The following PITPNB variants were observed in gnomAD, a reference collection of about 807,000 sequenced individuals.
PITPNB encodes phosphatidylinositol transfer protein beta.
In PITPNB, 16 loss-of-function variants were observed where a neutral mutation model predicts 45.9. The observed-to-expected ratio is 0.35, with a 90% CI of 0.24 to 0.53. PITPNB has a LOEUF of 0.53. PITPNB is among the 20% of genes least tolerant of loss of function. The pLI is 0.93. For missense variants in PITPNB, 188 were observed against 330.5 expected, an observed-to-expected ratio of 0.57 and a Z score of 3.34; for synonymous variants, 112 against 108.9, an observed-to-expected ratio of 1.03 and a Z score of -0.18.
At chr22:27,858,988 T>G (rs1934245243) in intron 9 of PITPNB, among the ~76,000 whole-genome samples, 1 of 152,196 alleles carries the variant, frequency 6.6e-6, no homozygotes, top group South Asian at 2.1e-4. Context: ...AACTCTCCCT[T>G]AATTTTTCTA....
intron 7 of PITPNB, among the ~76,000 whole-genome samples, chr22:27,891,740 A>G (rs1019089528): frequency 2.0e-5 from 3 of 152,114 alleles, no homozygotes; most frequent in Non-Finnish European, 4.4e-5. Flanking sequence ...CCATGACTGT[A>G]AGTTTCCCAA....
intron 7 of PITPNB, among the ~76,000 whole-genome samples, chr22:27,889,321 G>A (rs1935208075): frequency 6.6e-6 from 1 of 151,986 alleles, no homozygotes; most frequent in Non-Finnish European, 1.5e-5. Flanking sequence ...TATTCTGCTT[G>A]CCTATGATTC....
rs187280063 is a variant in PITPNB, at chr22:27,906,527, T to C, written c.197+4437A>G. On this transcript the variant is annotated intron_variant, in intron 3 of 11. Transcript: ENST00000335272. ...GCAAAGTGGTTAAGAGGGCAGGTTC[T>C]GGAGTTGGTCTGTGTTCAAGTCCTA... Among the ~76,000 whole-genome samples, 586 of 152,318 alleles carry C rather than the reference T, an allele frequency of 3.8e-3. 7 individuals carry two copies. The highest frequency in any genetic ancestry group is 0.031 in the South Asian group (148 of 4,828).
intron 3 of PITPNB, among the ~76,000 whole-genome samples, chr22:27,901,129 G>A (rs139065840): frequency 2.0e-3 from 304 of 152,278 alleles, no homozygotes; most frequent in Non-Finnish European, 3.7e-3. Context: ...CTAGATTTCA[G>A]CTGCTTAAGA....
At chr22:27,878,565 T>C (rs1250146651) in intron 7 of PITPNB, among the ~76,000 whole-genome samples, 2 of 152,324 alleles carry the variant, frequency 1.3e-5, no homozygotes, top group East Asian at 1.9e-4. Context: ...ACCATTAATA[T>C]AGTATAAGTA....
chr22:27,903,738 T>C (rs1601422413), intron 3 of PITPNB, among the ~76,000 whole-genome samples: 2 of 135,492 alleles, frequency 1.5e-5, no homozygotes, highest in Admixed American at 1.7e-4. Flanking sequence ...ATCAAGCAAC[T>C]GCAGTCCAGC....
chr22:27,884,306 G>A (rs542978269), intron 7 of PITPNB, among the ~76,000 whole-genome samples: 1 of 152,338 alleles, frequency 6.6e-6, no homozygotes, highest in African/African-American at 2.4e-5. Flanking sequence ...ATATTCATGG[G>A]CAGGTAAGGA....
intron 2 of PITPNB, among the ~76,000 whole-genome samples, chr22:27,912,179 G>T (rs1935946362): frequency 6.6e-6 from 1 of 152,152 alleles, no homozygotes; most frequent in Admixed American, 6.5e-5. Flanking sequence ...AAAACAACAG[G>T]TAGTTTAAGC....
intron 7 of PITPNB, among the ~76,000 whole-genome samples, chr22:27,891,175 A>C (rs1013018680): frequency 6.6e-6 from 1 of 152,234 alleles, no homozygotes; most frequent in African/African-American, 2.4e-5. Flanking sequence ...GGACCCTGTT[A>C]ATGTACCAAA....
intron 1 of PITPNB, chr22:27,918,956 G>A (rs2146441479): frequency 2.7e-6 from 2 of 733,606 alleles, no homozygotes; most frequent in East Asian, 5.4e-5. Flanking sequence ...CTTCGCCCCG[G>A]GGAAGGGAGA....
chr22:27,855,576 T>C (rs1044991773), intron 10 of PITPNB, among the ~76,000 whole-genome samples: 1 of 152,080 alleles, frequency 6.6e-6, no homozygotes, highest in Non-Finnish European at 1.5e-5. Flanking sequence ...AACAAACAAA[T>C]GCAATAAATA....
chr22:27,870,525 C>G (rs1464594495), intron 8 of PITPNB, among the ~76,000 whole-genome samples: 1 of 152,198 alleles, frequency 6.6e-6, no homozygotes, highest in Non-Finnish European at 1.5e-5. Context: ...GTGGAACTAC[C>G]AGGCAGCTCT....
chr22:27,880,537 A>C (rs750095642), intron 7 of PITPNB, among the ~76,000 whole-genome samples: 3 of 152,094 alleles, frequency 2.0e-5, no homozygotes, highest in Non-Finnish European at 2.9e-5. Context: ...TTTTACTTTT[A>C]AAACATGGAA....
intron 3 of PITPNB, among the ~76,000 whole-genome samples, chr22:27,903,903 C>G (rs1755275391): frequency 6.6e-6 from 1 of 151,474 alleles, no homozygotes; most frequent in African/African-American, 2.4e-5. Context: ...TCATTAATCA[C>G]CAAGAAAATG....
intron 3 of PITPNB, among the ~76,000 whole-genome samples, chr22:27,901,903 T>C (rs978978414): frequency 1.3e-5 from 2 of 151,710 alleles, no homozygotes; most frequent in African/African-American, 2.4e-5. Flanking sequence ...ATAATAAATA[T>C]ATATATACCT....
intron 3 of PITPNB, among the ~76,000 whole-genome samples, chr22:27,899,723 T>C (rs1935539459): frequency 2.0e-5 from 3 of 152,222 alleles, no homozygotes; most frequent in Admixed American, 1.3e-4. Context: ...AAAGAGTATC[T>C]AGCTGTCCAA....
rs914183044 is a variant in PITPNB, at chr22:27,852,723, G to A, written c.*979C>T. The stretch of plus-strand genomic sequence containing the variant: ...CCATTTGCATAGTTTCCAAGCTGTA[G>A]TTACAGAAAACTGTCATCTTCAAAA... On this transcript the variant is annotated 3_prime_UTR_variant, in exon 12 of 12. Transcript: ENST00000335272. 6.6e-6 allele frequency: 1 copy of A among 152,564 alleles called. No individual in the cohort carries two copies. The highest frequency in any genetic ancestry group is 2.4e-5 in the African/African-American group (1 of 41,424). The allele number at this position is 152,564 out of a possible 1,614,324, so 9.5% of individuals were successfully genotyped here.
chr22:27,870,447 T>C (rs1381232470), intron 8 of PITPNB, among the ~76,000 whole-genome samples: 1 of 152,188 alleles, frequency 6.6e-6, no homozygotes, highest in African/African-American at 2.4e-5. Context: ...GAATCTGTAC[T>C]GGTAAGGCAG....
chr22:27,856,715 G>A (rs1934184331), intron 10 of PITPNB, among the ~76,000 whole-genome samples: 1 of 152,216 alleles, frequency 6.6e-6, no homozygotes, highest in Non-Finnish European at 1.5e-5. Flanking sequence ...AAATGCCAGT[G>A]CTGCATCATG....
Sources: gnomAD v4.1 joint callset for allele counts (sites outside exome capture counted in the v4.1 genomes callset) on GRCh38, gnomAD v4.1.1 for gene constraint, MANE v1.5 for transcripts, NCBI Gene and HGNC (gene_info 2026-07-23, HGNC 2026-07-21) for gene names.